The following EMSY variants were observed in gnomAD, a reference collection of about 807,000 sequenced individuals.
EMSY encodes the protein EMSY transcriptional repressor, BRCA2 interacting, also known as BRCA2-interacting transcriptional repressor EMSY.
Under a neutral mutation model 134.6 loss-of-function variants are expected in EMSY, and 26 were observed. The observed-to-expected ratio is 0.19, with a 90% CI of 0.14 to 0.27. The LOEUF is 0.27. Ranked by LOEUF, EMSY falls within the 10% of genes least tolerant of loss-of-function variation. EMSY has a pLI of 1.00. For missense variants in EMSY, 1,305 were observed against 1,611.4 expected (o/e 0.81, Z 3.26); for synonymous variants, 579 against 577.8 (o/e 1.00, Z -0.03).
At chr11:76,544,568 C>G (rs367586064) in exon 19 of EMSY, 1 of 1,614,040 alleles carries the variant, frequency 6.2e-7, no homozygotes. Flanking sequence ...ACTCACCCCT[C>G]TCCAGCAAGA....
chr11:76,518,701 A>ATT (rs1254003029), intron 11 of EMSY, among the ~76,000 whole-genome samples: 13 of 120,472 alleles, frequency 1.1e-4, no homozygotes, highest in Non-Finnish European at 1.5e-4. Flanking sequence ...ATATATATAT[A>ATT]TATTTTTTTT....
Position 76,520,949 on chromosome 11 carries a change from G to T in EMSY, c.1685-2206G>T, listed in dbSNP as rs561166184. Among the ~76,000 whole-genome samples, 3 of 152,288 alleles carry T rather than the reference G, an allele frequency of 2.0e-5. No homozygotes were observed. In the South Asian group the frequency reaches 6.2e-4, roughly 32 times the overall value. On this transcript the variant is annotated intron_variant, in intron 11 of 20. Coordinates refer to ENST00000334736, the Ensembl canonical transcript of EMSY. Reference sequence around the variant, plus strand: ...ATAAATGATATGTAGGCCTATAGAAGAAGAACTTGACATGCCTCTTTTCAT... The same window carrying T: ...ATAAATGATATGTAGGCCTATAGAATAAGAACTTGACATGCCTCTTTTCAT...
intron 8 of EMSY, among the ~76,000 whole-genome samples, chr11:76,488,556 C>G (rs1465157224): frequency 6.7e-6 from 1 of 149,884 alleles, no homozygotes; most frequent in Non-Finnish European, 1.5e-5. Context: ...TATTTTTTAG[C>G]TGGATCTGGA....
intron 4 of EMSY, among the ~76,000 whole-genome samples, chr11:76,456,080 G>A (rs1947860999): frequency 6.6e-6 from 1 of 152,114 alleles, no homozygotes; most frequent in Admixed American, 6.6e-5. Flanking sequence ...GTCATACTTA[G>A]TATAAATAGA....
intron 8 of EMSY, among the ~76,000 whole-genome samples, chr11:76,474,426 A>G (rs1400121116): frequency 6.6e-6 from 1 of 152,184 alleles, no homozygotes; most frequent in East Asian, 1.9e-4. Flanking sequence ...GGGGCTTGGA[A>G]ATATTCTAGT....
intron 9 of EMSY, chr11:76,496,871 C>G (rs779726657): frequency 1.3e-5 from 4 of 299,214 alleles, no homozygotes; most frequent in African/African-American, 2.3e-5. Flanking sequence ...CAATCAATTG[C>G]TGTTTATTTC....
chr11:76,531,278 T>G (rs994381836), intron 14 of EMSY, among the ~76,000 whole-genome samples: 47 of 152,372 alleles, frequency 3.1e-4, no homozygotes, highest in Middle Eastern at 3.4e-3. Context: ...AATTAGCTAA[T>G]AATGTTCTTT....
intron 7 of EMSY, among the ~76,000 whole-genome samples, chr11:76,467,512 A>G (rs1948398905): frequency 6.6e-6 from 1 of 152,238 alleles, no homozygotes; most frequent in Non-Finnish European, 1.5e-5. Flanking sequence ...AGGGACTATA[A>G]GCTGCTAAGG....
intron 7 of EMSY, among the ~76,000 whole-genome samples, chr11:76,468,805 CT>C (rs1948460406): frequency 1.3e-5 from 2 of 152,110 alleles, no homozygotes; most frequent in Admixed American, 6.5e-5. Flanking sequence ...CAGAATTTAG[CT>C]TTATGCCTTC....
chr11:76,450,565 C>T (rs1472675853), intron 2 of EMSY, among the ~76,000 whole-genome samples: 1 of 151,516 alleles, frequency 6.6e-6, no homozygotes, highest in East Asian at 1.9e-4. Context: ...GAACATGGCT[C>T]ACCACATCCT....
chr11:76,525,796 T>C (rs971776832), intron 12 of EMSY, among the ~76,000 whole-genome samples: 1 of 152,128 alleles, frequency 6.6e-6, no homozygotes, highest in African/African-American at 2.4e-5. Context: ...TTTCTATATG[T>C]AACCTTATAT....
chr11:76,479,129 G>A (rs1256335387), intron 8 of EMSY, among the ~76,000 whole-genome samples: 2 of 151,976 alleles, frequency 1.3e-5, no homozygotes, highest in Non-Finnish European at 1.5e-5. Context: ...TAATTTTGGC[G>A]ATTAAAGAAA....
chr11:76,545,560 T>C (rs1396728444), intron 19 of EMSY, among the ~76,000 whole-genome samples: 3 of 152,198 alleles, frequency 2.0e-5, no homozygotes, highest in Admixed American at 6.5e-5. Flanking sequence ...CTTTTTTCTT[T>C]ATTGCTATAA....
At chr11:76,547,063 C>T (rs1418135187) in intron 20 of EMSY, 5 of 455,084 alleles carry the variant, frequency 1.1e-5, no homozygotes, top group African/African-American at 8.0e-5. Flanking sequence ...CAGGCTACCC[C>T]TTAGAAGTTG....
chr11:76,551,306 T>C (rs985781586), exon 21 of EMSY: 3 of 152,712 alleles, frequency 2.0e-5, no homozygotes, highest in Non-Finnish European at 2.9e-5. Context: ...AACTATACTT[T>C]TCATTTTTAA....
At chr11:76,546,345 T>C (rs1166669994) in intron 20 of EMSY, 48 bp downstream of exon 21, 1 of 1,556,524 alleles carries the variant, frequency 6.4e-7, no homozygotes, top group Admixed American at 1.9e-5. Flanking sequence ...TTGGGGGTTG[T>C]GGGTTTGTTT....
intron 8 of EMSY, among the ~76,000 whole-genome samples, chr11:76,493,729 C>T (rs1254406742): frequency 6.6e-6 from 1 of 152,344 alleles, no homozygotes; most frequent in Non-Finnish European, 1.5e-5. Context: ...GAGAGCTGTT[C>T]TGTTGCTCAG....
exon 2 of EMSY, chr11:76,446,994 T>C: frequency 6.2e-7 from 1 of 1,613,686 alleles, no homozygotes; most frequent in Non-Finnish European, 8.5e-7. Flanking sequence ...TGCAAAAGAA[T>C]TCTTCGAAAA....
At chr11:76,512,729 A>G (rs1047884952) in intron 9 of EMSY, among the ~76,000 whole-genome samples, 2 of 151,586 alleles carry the variant, frequency 1.3e-5, no homozygotes, top group Admixed American at 6.6e-5. Context: ...ATGTAAAAAA[A>G]AAAAAAACCA....
Sources: gnomAD v4.1 joint callset for allele counts (sites outside exome capture counted in the v4.1 genomes callset) on GRCh38, gnomAD v4.1.1 for gene constraint, MANE v1.5 for transcripts, NCBI Gene and HGNC (gene_info 2026-07-23, HGNC 2026-07-21) for gene names.